CAMK4: variants seen among roughly 807,000 people sequenced by gnomAD.
CAMK4 encodes calcium/calmodulin dependent protein kinase IV.
CAMK4 carries 22 observed loss-of-function variants against 44.9 expected under a neutral mutation model. That is an observed-to-expected ratio of 0.49 (90% CI 0.35 to 0.70). The LOEUF (loss-of-function observed/expected upper bound fraction) is 0.70. CAMK4 is among the 30% of genes least tolerant of loss of function. CAMK4 has a pLI of 0.01. For synonymous variants in CAMK4, 218 were observed against 215.4 expected, an observed-to-expected ratio of 1.01 and a Z score of -0.11; for missense variants, 498 against 586.8, an observed-to-expected ratio of 0.85 and a Z score of 1.56.
At chr5:111,433,143 G>C (rs1262248488) in intron 5 of CAMK4, among the ~76,000 whole-genome samples, 1 of 152,160 alleles carries the variant, frequency 6.6e-6, no homozygotes, top group Non-Finnish European at 1.5e-5. Flanking sequence ...AGATTATCCT[G>C]TTTCCCATGT....
chr5:111,281,171 G>C (rs1365908955), intron 1 of CAMK4, among the ~76,000 whole-genome samples: 1 of 152,170 alleles, frequency 6.6e-6, no homozygotes. Flanking sequence ...CAGAGGTGTT[G>C]GTGGCTTCCA....
chr5:111,345,205 ATC>A (rs946964638), intron 2 of CAMK4, among the ~76,000 whole-genome samples: 1 of 151,930 alleles, frequency 6.6e-6, no homozygotes, highest in African/African-American at 2.4e-5. Context: ...TTTTTAAACA[ATC>A]TGTTAGAATT....
intron 2 of CAMK4, among the ~76,000 whole-genome samples, chr5:111,357,795 A>C (rs1246115204): frequency 6.6e-6 from 1 of 152,092 alleles, no homozygotes; most frequent in Non-Finnish European, 1.5e-5. Flanking sequence ...ACCCACACTG[A>C]ATTGTTAAAC....
intron 4 of CAMK4, among the ~76,000 whole-genome samples, chr5:111,380,611 G>A (rs1306724210): frequency 2.0e-5 from 3 of 152,076 alleles, no homozygotes; most frequent in Non-Finnish European, 2.9e-5. Flanking sequence ...GAGAACATGC[G>A]GTATTTGGTT....
At chr5:111,351,855 A>T (rs868367901) in intron 2 of CAMK4, among the ~76,000 whole-genome samples, 6 of 152,094 alleles carry the variant, frequency 3.9e-5, no homozygotes, top group Non-Finnish European at 8.8e-5. Flanking sequence ...GGCTTATACG[A>T]TAGAAATTTA....
chr5:111,298,408 G>A (rs570788409), intron 1 of CAMK4, among the ~76,000 whole-genome samples: 1 of 152,326 alleles, frequency 6.6e-6, no homozygotes, highest in Non-Finnish European at 1.5e-5. Flanking sequence ...TATGATCACA[G>A]TCTACCCAAT....
At chr5:111,427,313 G>A (rs1324111377) in intron 5 of CAMK4, among the ~76,000 whole-genome samples, 1 of 152,122 alleles carries the variant, frequency 6.6e-6, no homozygotes, top group Non-Finnish European at 1.5e-5. Flanking sequence ...ACCTGCTAAC[G>A]GAAGGGAAGG....
intron 1 of CAMK4, among the ~76,000 whole-genome samples, chr5:111,260,101 C>G (rs1042174803): frequency 1.3e-5 from 2 of 152,108 alleles, no homozygotes; most frequent in East Asian, 3.8e-4. Flanking sequence ...AAATGTTTCT[C>G]TTGTTCCCTT....
At chr5:111,240,252 C>G (rs1440941798) in intron 1 of CAMK4, among the ~76,000 whole-genome samples, 3 of 151,480 alleles carry the variant, frequency 2.0e-5, no homozygotes, top group Admixed American at 6.6e-5. Flanking sequence ...AACCCAGAAT[C>G]ACTGCAACTT....
At chr5:111,385,013 C>T (rs1246256035) in intron 4 of CAMK4, among the ~76,000 whole-genome samples, 2 of 152,050 alleles carry the variant, frequency 1.3e-5, no homozygotes, top group South Asian at 2.1e-4. Flanking sequence ...AGCTCATAGT[C>T]TAAAGAGGGA....
intron 1 of CAMK4, among the ~76,000 whole-genome samples, chr5:111,259,281 A>G (rs541548228): frequency 2.6e-5 from 4 of 152,336 alleles, no homozygotes; most frequent in African/African-American, 9.6e-5. Flanking sequence ...ACTACTGACA[A>G]CTTAAGAGTC....
At chr5:111,375,983 G>A (rs1011080523) in intron 3 of CAMK4, among the ~76,000 whole-genome samples, 3 of 152,066 alleles carry the variant, frequency 2.0e-5, no homozygotes, top group Non-Finnish European at 4.4e-5. Context: ...ATTGGCTGGA[G>A]CTAGTCACAA....
In CAMK4 at chr5:111,224,735, C is replaced by T. The variant is rs1748093994; in HGVS notation, c.161+91C>T. The T allele has an allele frequency of 8.2e-7, 1 of 1,223,088 alleles. No homozygotes were observed. The highest frequency in any genetic ancestry group is 1.1e-6 in the Non-Finnish European group (1 of 880,870). 75.8% of individuals were successfully genotyped at this position (1,223,088 alleles called of 1,614,324 possible). ...CGGCTCGGAGGGTGCGGGAGCCTGC[C>T]TTCGTGCCCTTCGATTTCTCCCTAC... On this transcript the variant is annotated intron_variant, in intron 1 of 10. Transcript: ENST00000282356. The surrounding 1 kb of genome is among the most constrained non-coding windows in gnomAD (Gnocchi z 5.7).
rs1041043372 is a variant in CAMK4, at chr5:111,308,263, T to G, written c.162-35761T>G. 9.9e-4 allele frequency among the ~76,000 whole-genome samples: 149 copies of G among 149,936 alleles called. 1 individual carries two copies. Among genetic ancestry groups the G allele is most frequent in the Non-Finnish European group, 4.0e-4 (27 of 67,846 alleles). The stretch of plus-strand genomic sequence containing the variant: ...CTTAGAGTATAATAAAAAAATAAAA[T>G]AAAATAAATGTATCAAAACTAGTTC... On this transcript the variant is annotated intron_variant, in intron 1 of 10. Transcript: ENST00000282356.
At chr5:111,230,565 GAAAA>G (rs34590737) in intron 1 of CAMK4, among the ~76,000 whole-genome samples, 1 of 141,774 alleles carries the variant, frequency 7.1e-6, no homozygotes, top group Non-Finnish European at 1.6e-5. Context: ...GATTTTGGGG[GAAAA>G]AAAAAAAAAA....
At chr5:111,368,406 G>A (rs1750877332) in intron 2 of CAMK4, among the ~76,000 whole-genome samples, 2 of 152,270 alleles carry the variant, frequency 1.3e-5, no homozygotes, top group African/African-American at 2.4e-5. Flanking sequence ...ATTTAGAAGT[G>A]CGAGGAAAAC....
At chr5:111,297,571 T>C (rs1379788987) in intron 1 of CAMK4, among the ~76,000 whole-genome samples, 2 of 152,222 alleles carry the variant, frequency 1.3e-5, no homozygotes, top group Non-Finnish European at 2.9e-5. Context: ...CTATGATTTG[T>C]TTAAATATTT....
intron 5 of CAMK4, among the ~76,000 whole-genome samples, chr5:111,400,553 C>T (rs1292233308): frequency 6.6e-6 from 1 of 152,062 alleles, no homozygotes; most frequent in African/African-American, 2.4e-5. Context: ...CTTGCAATCC[C>T]TCCCTCCCTC....
intron 1 of CAMK4, among the ~76,000 whole-genome samples, chr5:111,275,553 A>T (rs190393592): frequency 1.4e-3 from 220 of 152,134 alleles, no homozygotes; most frequent in Non-Finnish European, 1.3e-3. Flanking sequence ...TCTGACAGTA[A>T]TAGACTTAGA....
Sources: gnomAD v4.1 joint callset for allele counts (sites outside exome capture counted in the v4.1 genomes callset) on GRCh38, gnomAD v4.1.1 for gene constraint, Gnocchi (gnomAD v3.1) non-coding constraint, MANE v1.5 for transcripts, NCBI Gene and HGNC (gene_info 2026-07-23, HGNC 2026-07-21) for gene names.